DGKB: variants seen among roughly 807,000 people sequenced by gnomAD.
DGKB encodes 90 kDa diacylglycerol kinase.
DGKB carries 67 observed loss-of-function variants against 114.3 expected under a neutral mutation model. That is an observed-to-expected ratio of 0.59 (90% CI 0.48 to 0.72). DGKB has a LOEUF of 0.72. DGKB is among the 30% of genes least tolerant of loss of function. DGKB has a pLI of 0.00. For synonymous variants in DGKB, 398 were observed against 323.1 expected, an observed-to-expected ratio of 1.23 and a Z score of -2.49; for missense variants, 907 against 975.2, an observed-to-expected ratio of 0.93 and a Z score of 0.93.
At chr7:14,669,644 T>C (rs1818623048) in intron 13 of DGKB, among the ~76,000 whole-genome samples, 1 of 152,196 alleles carries the variant, frequency 6.6e-6, no homozygotes, top group African/African-American at 2.4e-5. Flanking sequence ...ATGATTACTG[T>C]ACAATTAATG....
intron 25 of DGKB, among the ~76,000 whole-genome samples, chr7:14,168,638 T>C (rs572042490): frequency 6.6e-6 from 1 of 152,254 alleles, no homozygotes; most frequent in African/African-American, 2.4e-5. Flanking sequence ...AATTGCACTA[T>C]GTAAGAAGAC....
chr7:14,696,363 C>T (rs1206701971), intron 8 of DGKB, among the ~76,000 whole-genome samples: 4 of 151,772 alleles, frequency 2.6e-5, no homozygotes, highest in Admixed American at 6.6e-5. Context: ...GGCGCGGTGG[C>T]GGGCGCCTGT....
chr7:14,504,271 G>C (rs1483965465), intron 20 of DGKB, among the ~76,000 whole-genome samples: 1 of 152,172 alleles, frequency 6.6e-6, no homozygotes, highest in Non-Finnish European at 1.5e-5. Context: ...CAAACAGAGA[G>C]GCTCTGTGTA....
At chr7:14,287,258 T>A (rs531697867) in intron 23 of DGKB, among the ~76,000 whole-genome samples, 122 of 152,154 alleles carry the variant, frequency 8.0e-4, no homozygotes, top group African/African-American at 2.8e-3. Flanking sequence ...AACTAGAGGG[T>A]TTAAGATTTT....
At chr7:14,622,139 G>A (rs536750717) in intron 14 of DGKB, among the ~76,000 whole-genome samples, 1 of 152,176 alleles carries the variant, frequency 6.6e-6, no homozygotes, top group South Asian at 2.1e-4. Flanking sequence ...GACCGTCTCA[G>A]TTTCACATCT....
intron 1 of DGKB, among the ~76,000 whole-genome samples, chr7:14,953,873 C>T (rs886139925): frequency 6.6e-6 from 1 of 152,050 alleles, no homozygotes; most frequent in African/African-American, 2.4e-5. Context: ...TATGAGAGCA[C>T]CACTGGTTCT....
chr7:14,239,697 C>A (rs1041521138), intron 23 of DGKB, among the ~76,000 whole-genome samples: 5 of 152,022 alleles, frequency 3.3e-5, no homozygotes, highest in African/African-American at 1.2e-4. Context: ...TAACTTGATA[C>A]CTGGTGTGGG....
chr7:14,471,136 T>A (rs1161584301), intron 21 of DGKB, among the ~76,000 whole-genome samples: 1 of 148,802 alleles, frequency 6.7e-6, no homozygotes, highest in Non-Finnish European at 1.5e-5. Flanking sequence ...GTTTGATTTT[T>A]CTATTCTTAG....
In DGKB at chr7:14,481,291, A is replaced by T. The variant is rs558772132; in HGVS notation, c.1771-3066T>A. On this transcript the variant is annotated intron_variant, in intron 20 of 25. Transcript: ENST00000402815. ...TAAGTAAAATTGCCCTAAATCTCCAAATTTGCATTTTATGATATTAATTTG... is the reference window on the plus strand; with the variant it reads ...TAAGTAAAATTGCCCTAAATCTCCATATTTGCATTTTATGATATTAATTTG... Among the ~76,000 whole-genome samples, 5 of 152,026 alleles carry T rather than the reference A, an allele frequency of 3.3e-5. No homozygotes were observed. In the East Asian group the frequency reaches 9.7e-4, roughly 29 times the overall value.
At chr7:14,203,146 A>G (rs1272996187) in intron 23 of DGKB, among the ~76,000 whole-genome samples, 1 of 128,676 alleles carries the variant, frequency 7.8e-6, no homozygotes, top group Admixed American at 8.2e-5. Context: ...GGCCAGTATC[A>G]AAAAGAGCAG....
At chr7:14,284,899 A>C (rs1800608407) in intron 23 of DGKB, among the ~76,000 whole-genome samples, 1 of 150,034 alleles carries the variant, frequency 6.7e-6, no homozygotes, top group East Asian at 2.0e-4. Flanking sequence ...ATTGGGAGAT[A>C]TACCTAATGC....
At chr7:14,270,048 CAAAAAAAAAA>C (rs397889901) in intron 23 of DGKB, among the ~76,000 whole-genome samples, 5 of 52,862 alleles carry the variant, frequency 9.5e-5, no homozygotes, top group African/African-American at 3.0e-4. Flanking sequence ...GCTTTTTTTG[CAAAAAAAAAA>C]AAAAAAAAAA....
chr7:14,462,982 G>C (rs1302392095), intron 21 of DGKB, among the ~76,000 whole-genome samples: 1 of 152,008 alleles, frequency 6.6e-6, no homozygotes, highest in Non-Finnish European at 1.5e-5. Flanking sequence ...ACAAAAACAA[G>C]CAATGGGGAA....
chr7:14,786,421 A>G (rs1839901575), intron 2 of DGKB, among the ~76,000 whole-genome samples: 1 of 152,224 alleles, frequency 6.6e-6, no homozygotes, highest in Non-Finnish European at 1.5e-5. Flanking sequence ...CAACTCCTGT[A>G]AAATTGATGG....
chr7:14,681,582 T>C (rs1820845294), intron 12 of DGKB, among the ~76,000 whole-genome samples: 1 of 151,996 alleles, frequency 6.6e-6, no homozygotes, highest in African/African-American at 2.4e-5. Context: ...CTGTTTTATT[T>C]TGACAAAAGT....
intron 2 of DGKB, among the ~76,000 whole-genome samples, chr7:14,778,094 T>C (rs1477632610): frequency 2.0e-5 from 3 of 152,220 alleles, no homozygotes; most frequent in Non-Finnish European, 4.4e-5. Flanking sequence ...CTTACTTGCA[T>C]TGTAGTAGAG....
chr7:14,766,396 T>C (rs1216336926), intron 2 of DGKB, among the ~76,000 whole-genome samples: 1 of 151,830 alleles, frequency 6.6e-6, no homozygotes, highest in East Asian at 1.9e-4. Context: ...AGAATTTCCT[T>C]ATTGATTGGA....
chr7:14,250,743 C>G (rs1440053454), intron 23 of DGKB, among the ~76,000 whole-genome samples: 1 of 152,004 alleles, frequency 6.6e-6, no homozygotes. Context: ...AGTCCCCTAC[C>G]GTTATTGCAT....
intron 20 of DGKB, among the ~76,000 whole-genome samples, chr7:14,517,711 C>A (rs74370121): frequency 0.02 from 2,978 of 151,894 alleles, 85 homozygotes; most frequent in African/African-American, 0.068. Flanking sequence ...ATAAAAAAGG[C>A]CCAAAATCAA....
Sources: allele counts gnomAD v4.1 joint callset (sites outside exome capture counted in the v4.1 genomes callset), GRCh38; gene constraint gnomAD v4.1.1; transcripts MANE v1.5; gene names NCBI Gene and HGNC (gene_info 2026-07-23, HGNC 2026-07-21).